The following AGBL2 variants were observed in gnomAD, a reference collection of about 807,000 sequenced individuals.
The protein encoded by AGBL2 is AGBL carboxypeptidase 2, also known as cytosolic carboxypeptidase 2.
A neutral mutation model predicts 103.0 loss-of-function variants in AGBL2; 87 were observed. The ratio of observed to expected loss-of-function variants is 0.84; its 90% CI spans 0.71 to 1.01. The LOEUF (loss-of-function observed/expected upper bound fraction) is 1.01, where lower values mean the gene tolerates loss of function less well. AGBL2 is among the 50% of genes least tolerant of loss of function. The pLI is 0.00. For synonymous variants in AGBL2, 335 were observed against 356.7 expected, an observed-to-expected ratio of 0.94 and a Z score of 0.69; for missense variants, 904 against 1,023.5, an observed-to-expected ratio of 0.88 and a Z score of 1.59.
intron 18 of AGBL2, 125 bp downstream of exon 18, chr11:47,662,901 A>G: frequency 1.2e-6 from 1 of 815,840 alleles, no homozygotes; most frequent in Non-Finnish European, 2.0e-6. Flanking sequence ...TCACCTGCGC[A>G]GAACGAATCC....
rs919303433 is a variant in AGBL2, at chr11:47,705,601, C to T, written c.320G>A (p.Arg107His). The stretch of plus-strand genomic sequence containing the variant: ...TGGAGGTTGCAGTGAGCTGAGGCCG[C>T]GCCACTGCATCCAGCCCAGGCAAGA... The part of the protein sequence containing the change: ...FHSCLGWMQW[R>H]GLSSLQPPPP... Residue 107 changes from arginine (R) to histidine (H), a missense_variant, in exon 6 of 19, where the codon CGC (arginine) becomes CAC (histidine). Transcript: ENST00000525123. 2.6e-5 allele frequency: 13 copies of T among 509,140 alleles called. No homozygotes were observed. Among genetic ancestry groups the T allele is most frequent in the South Asian group, 8.3e-5 (4 of 48,238 alleles). 31.5% of individuals were successfully genotyped at this position (509,140 alleles called of 1,614,324 possible). A position where few individuals can be genotyped will look rare whatever the true frequency, so the allele number is the denominator to read the frequency against.
Position 47,697,463 on chromosome 11 carries a change from C to T in AGBL2, c.694+1983G>A, listed in dbSNP as rs542805717. Among the ~76,000 whole-genome samples the T allele has an allele frequency of 3.3e-5, 5 of 151,238 alleles. No homozygotes were observed. In the East Asian group the frequency reaches 9.8e-4, roughly 30 times the overall value. Reference sequence around the variant, plus strand: ...CCATGTTAGCCACGATGGTCTCGATCTCCTGACCTTATGATCCGCCCACCT... The same window carrying T: ...CCATGTTAGCCACGATGGTCTCGATTTCCTGACCTTATGATCCGCCCACCT... On this transcript the variant is annotated intron_variant, in intron 8 of 18. Coordinates refer to ENST00000525123, the MANE Select transcript of AGBL2 (RefSeq NM_024783.4).
intron 16 of AGBL2, 132 bp downstream of exon 16, chr11:47,667,439 A>C: frequency 8.2e-7 from 1 of 1,216,322 alleles, no homozygotes; most frequent in Non-Finnish European, 1.1e-6. Context: ...TCTGATCGCA[A>C]AACAGAAAGT....
At chr11:47,673,224 T>C (rs957105403) in intron 14 of AGBL2, among the ~76,000 whole-genome samples, 1 of 152,132 alleles carries the variant, frequency 6.6e-6, no homozygotes, top group African/African-American at 2.4e-5. Context: ...TGGTGGCTCA[T>C]GCTTGTCATC....
At chr11:47,709,651 A>C (rs1440515821) in intron 4 of AGBL2, among the ~76,000 whole-genome samples, 6 of 151,206 alleles carry the variant, frequency 4.0e-5, no homozygotes, top group African/African-American at 1.2e-4. Flanking sequence ...GCAGTGGCGC[A>C]ATCTCAGCTC....
chr11:47,660,732 T>C (rs2097325890), intron 18 of AGBL2, among the ~76,000 whole-genome samples: 1 of 152,022 alleles, frequency 6.6e-6, no homozygotes, highest in Admixed American at 6.6e-5. Flanking sequence ...TTTTTTGTAT[T>C]TTTAGTAGAG....
intron 11 of AGBL2, among the ~76,000 whole-genome samples, chr11:47,685,596 A>G (rs1225377163): frequency 6.6e-6 from 1 of 151,374 alleles, no homozygotes; most frequent in East Asian, 2.0e-4. Flanking sequence ...TACTTTTTGT[A>G]TTTTTAATAG....
At chr11:47,710,656 T>G in intron 3 of AGBL2, 145 bp from the exon 4 acceptor site, 1 of 933,432 alleles carries the variant, frequency 1.1e-6, no homozygotes. Context: ...TCAAAGAGCT[T>G]TCATATTCCA....
chr11:47,682,002 T>C lies in AGBL2; in HGVS notation c.1882A>G (p.Thr628Ala). ...MWRMGILNSY[T>A]MESTFGGSTL... is the part of the protein sequence containing the mutation. ...GACCCGCCAAAGGTAGACTCCATGG[T>C]GTAGCTGTTTAGGATTCCCATCCGC... Residue 628 changes from threonine (T) to alanine (A), a missense_variant, in exon 12 of 19, where the codon ACC becomes GCC. Thr to Ala is a moderately conservative substitution (Grantham distance 58). Coordinates refer to ENST00000525123, the MANE Select transcript of AGBL2 (RefSeq NM_024783.4). 6.2e-7 allele frequency: 1 copy of C among 1,614,164 alleles called. No homozygotes were observed. Among genetic ancestry groups the C allele is most frequent in the Non-Finnish European group, 8.5e-7 (1 of 1,180,024 alleles).
At chr11:47,696,032 A>G (rs966335057) in intron 8 of AGBL2, among the ~76,000 whole-genome samples, 4 of 8,728 alleles carry the variant, frequency 4.6e-4, no homozygotes, top group Non-Finnish European at 6.9e-4. Flanking sequence ...AAAAAAAAAA[A>G]AAAAGAAAAA....
At chr11:47,699,591 T>G (rs1487095753) in intron 7 of AGBL2, 38 bp from the exon 8 acceptor site, 2 of 1,174,972 alleles carry the variant, frequency 1.7e-6, no homozygotes, top group South Asian at 2.7e-5. Flanking sequence ...AAATAAGAAA[T>G]AATGTAAACG....
In AGBL2 at chr11:47,685,385, A is replaced by G. The variant is rs144500764; in HGVS notation, c.1788+508T>C. Among the ~76,000 whole-genome samples, 637 of 151,886 alleles carry G rather than the reference A, an allele frequency of 4.2e-3. 1 individual carries two copies. Among genetic ancestry groups the G allele is most frequent in the African/African-American group, 0.015 (622 of 41,414 alleles). ...CACCTCGGCCTCCCAAAGTGCTAGG[A>G]TTACAGGCATGAGCCACTGTAGCTG... On this transcript the variant is annotated intron_variant, in intron 11 of 18. Transcript: ENST00000525123.
chr11:47,669,881 G>C (rs2097352201), intron 14 of AGBL2, among the ~76,000 whole-genome samples: 2 of 152,134 alleles, frequency 1.3e-5, no homozygotes, highest in African/African-American at 4.8e-5. Context: ...AAAGTGCTGG[G>C]ATAACAGGCG....
chr11:47,682,632 AC>A (rs1205846443), intron 11 of AGBL2, among the ~76,000 whole-genome samples: 2 of 151,684 alleles, frequency 1.3e-5, no homozygotes, highest in Non-Finnish European at 2.9e-5. Flanking sequence ...TCTGCCTGGA[AC>A]CCTCTCCCTT....
intron 10 of AGBL2, among the ~76,000 whole-genome samples, chr11:47,687,624 G>T (rs2097429202): frequency 6.6e-6 from 1 of 151,160 alleles, no homozygotes; most frequent in Non-Finnish European, 1.5e-5. Context: ...GCCATATGAT[G>T]TGCCTGCTCC....
chr11:47,702,171 A>C (rs1479083125), intron 7 of AGBL2, among the ~76,000 whole-genome samples: 2 of 152,066 alleles, frequency 1.3e-5, no homozygotes, highest in African/African-American at 4.8e-5. Flanking sequence ...TATAAAGTCA[A>C]ATAAACTCTA....
chr11:47,663,180 T>C, intron 17 of AGBL2, 68 bp from the exon 18 acceptor site: 1 of 939,012 alleles, frequency 1.1e-6, no homozygotes, highest in Non-Finnish European at 1.6e-6. Context: ...TGAATATACA[T>C]TATTCATTTG....
At chr11:47,695,780 T>TA (rs535402893) in intron 8 of AGBL2, among the ~76,000 whole-genome samples, 195 of 149,806 alleles carry the variant, frequency 1.3e-3, no homozygotes, top group African/African-American at 4.6e-3. Flanking sequence ...GTCTAAAAAT[T>TA]AAAAAAAATA....
At chr11:47,682,758 T>C (rs1046964992) in intron 11 of AGBL2, among the ~76,000 whole-genome samples, 1 of 152,172 alleles carries the variant, frequency 6.6e-6, no homozygotes, top group African/African-American at 2.4e-5. Context: ...CTATCCACCC[T>C]ATCGTGCTAA....
Sources: gnomAD v4.1 joint callset for allele counts (sites outside exome capture counted in the v4.1 genomes callset) on GRCh38, gnomAD v4.1.1 for gene constraint, MANE v1.5 for transcripts, NCBI Gene and HGNC (gene_info 2026-07-23, HGNC 2026-07-21) for gene names.